EPHX3: variants seen among roughly 807,000 people sequenced by gnomAD.
EPHX3 encodes abhydrolase domain containing 9.
In EPHX3, 39 loss-of-function variants were observed where a neutral mutation model predicts 40.2. The observed-to-expected ratio is 0.97, with a 90% confidence interval of 0.75 to 1.27. The LOEUF (loss-of-function observed/expected upper bound fraction) is 1.27, where lower values mean the gene tolerates loss of function less well. EPHX3 is among the 50% of genes most tolerant of loss of function. The probability of loss-of-function intolerance (pLI) is 0.00; values close to 1 mark genes in which losing one functional copy is unlikely to be tolerated. For synonymous variants in EPHX3, 213 were observed against 209.7 expected (o/e 1.02, Z -0.14); for missense variants, 442 against 474.0 (o/e 0.93, Z 0.63).
rs916087485 is a variant in EPHX3, at chr19:15,228,116, TG to T, written c.617-17del. The T allele has an allele frequency of 2.7e-6, 1 of 370,344 alleles. No homozygotes were observed. Among genetic ancestry groups the T allele is most frequent in the African/African-American group, 2.9e-5 (1 of 34,872 alleles). 22.9% of individuals were successfully genotyped at this position (370,344 alleles called of 1,614,324 possible). On this transcript the variant is annotated splice_polypyrimidine_tract_variant and intron_variant, in intron 4 of 6. Transcript: ENST00000221730. ...AGGGAATAGTCTGGGGTGGGAGGGT[TG>T]GGGGAGAGATATAAGGCCTGCTCCT...
At position 15,231,794 on chromosome 19, in the gene EPHX3, T is replaced by TACCAGTTCTCAGG; in HGVS notation, c.310_311insCCTGAGAACTGGT (p.His104ProfsTer2). 1 of 1,613,908 alleles carries TACCAGTTCTCAGG rather than the reference T, an allele frequency of 6.2e-7. No individual in the cohort carries two copies. The highest frequency in any genetic ancestry group is 8.5e-7 in the Non-Finnish European group (1 of 1,180,008). ...GACGTACCAGTTCTCAGGGAAGCCG[T>TACCAGTTCTCAGG]GCAGAAACAGCATGAGGGGTCCGTT... On this transcript the variant is annotated stop_gained and frameshift_variant, in exon 2 of 7. Transcript: ENST00000221730. LOFTEE classifies it high-confidence loss of function.
chr19:15,227,323 G>A lies in EPHX3; in HGVS notation c.*114C>T, dbSNP rs773269339. On this transcript the variant is annotated 3_prime_UTR_variant, in exon 7 of 7. Transcript: ENST00000221730. Reference sequence around the variant, plus strand: ...ATCCAGGAGTCCCATGCCTATGAGCGATTCAAGAGTTCACCCATGTATGGA... The same window carrying A: ...ATCCAGGAGTCCCATGCCTATGAGCAATTCAAGAGTTCACCCATGTATGGA... 4.2e-4 allele frequency: 368 copies of A among 870,258 alleles called. 2 individuals are homozygous for A. The highest frequency in any genetic ancestry group is 5.9e-4 in the Non-Finnish European group (325 of 547,834). The allele number at this position is 870,258 out of a possible 1,614,324, so 53.9% of individuals were successfully genotyped here.
Position 15,227,427 on chromosome 19 carries a change from G to A in EPHX3, c.*10C>T. 3.1e-6 allele frequency: 5 copies of A among 1,611,184 alleles called. No individual in the cohort carries two copies. The highest frequency in any genetic ancestry group is 4.2e-6 in the Non-Finnish European group (5 of 1,177,498). On this transcript the variant is annotated 3_prime_UTR_variant, in exon 7 of 7. Transcript: ENST00000221730. ...GTATCCATGCCTCCTGGGCAGGCCAGCAAGGACCACTAGTCCAGCAGGTCT... is the reference window on the plus strand; with the variant it reads ...GTATCCATGCCTCCTGGGCAGGCCAACAAGGACCACTAGTCCAGCAGGTCT...
chr19:15,228,283 C>T (rs1277633276), intron 4 of EPHX3, among the ~76,000 whole-genome samples, 183 bp from the exon 5 acceptor site: 1 of 152,104 alleles, frequency 6.6e-6, no homozygotes, highest in East Asian at 1.9e-4. Flanking sequence ...TCCCTCCTGC[C>T]ATGTTTCACT....
chr19:15,235,095 G>C (rs1327382260), upstream of EPHX3, among the ~76,000 whole-genome samples: 1 of 151,086 alleles, frequency 6.6e-6, no homozygotes, highest in South Asian at 2.1e-4. Context: ...TCCGCCTCCA[G>C]TGTTCAAGCA....
intron 6 of EPHX3, 50 bp downstream of exon 6, chr19:15,227,721 C>T (rs763365135): frequency 4.4e-6 from 7 of 1,609,094 alleles, no homozygotes; most frequent in Middle Eastern, 1.6e-4. Flanking sequence ...TGCCTCCCAC[C>T]CCCCTGCCCC....
At position 15,227,840 on chromosome 19, in the gene EPHX3, GC is replaced by G; in HGVS notation, c.787del (p.Ala263ProfsTer33). 6.2e-7 allele frequency: 1 copy of G among 1,614,118 alleles called. No homozygotes were observed. Among genetic ancestry groups the G allele is most frequent in the South Asian group, 1.1e-5 (1 of 91,088 alleles). Reference protein sequence around the residue: ...IPCLTPSELEAFLYNFSQPGG... With the variant: ...IPCLTPSELEXFLYNFSQPGG... ...AGGCTGTGAGAAGTTATAAAGGAAG[GC>G]CTCGAGCTCGCTGGGGGTCAAGCAT... On this transcript the variant is annotated frameshift_variant, in exon 6 of 7. Transcript: ENST00000221730. LOFTEE classifies it high-confidence loss of function.
At position 15,227,601 on chromosome 19, in the gene EPHX3, CCTT is replaced by C. The variant is rs776253755; in HGVS notation, c.916_918del (p.Lys306del). On this transcript the variant is annotated inframe_deletion, in exon 7 of 7. Coordinates refer to ENST00000221730, the MANE Select transcript of EPHX3 (RefSeq NM_024794.3). ...ACCAGCCCCAGCTCCAAGTAAGTGT[CCTT>C]CTCCCCCCACAGCAGCAATGTGGGT... The C allele has an allele frequency of 3.1e-6, 5 of 1,614,106 alleles. No individual in the cohort carries two copies. The highest frequency in any genetic ancestry group is 2.2e-5 in the East Asian group (1 of 44,872).
At chr19:15,233,794 G>C (rs2047171461), upstream of EPHX3, among the ~76,000 whole-genome samples, 1 of 152,214 alleles carries the variant, frequency 6.6e-6, no homozygotes, top group Non-Finnish European at 1.5e-5. Flanking sequence ...GCCAGGCGCG[G>C]TGGCTCACGC....
At position 15,228,113 on chromosome 19, in the gene EPHX3, G is replaced by A; in HGVS notation, c.617-13C>T. The A allele has an allele frequency of 6.9e-7, 1 of 1,440,606 alleles. No homozygotes were observed. The highest frequency in any genetic ancestry group is 2.3e-5 in the East Asian group (1 of 43,300). The allele number at this position is 1,440,606 out of a possible 1,614,324, so 89.2% of individuals were successfully genotyped here. A position where few individuals can be genotyped will look rare whatever the true frequency, so the allele number is the denominator to read the frequency against. Reference sequence around the variant, plus strand: ...TGCAGGGAATAGTCTGGGGTGGGAGGGTTGGGGGAGAGATATAAGGCCTGC... The same window carrying A: ...TGCAGGGAATAGTCTGGGGTGGGAGAGTTGGGGGAGAGATATAAGGCCTGC... On this transcript the variant is annotated splice_polypyrimidine_tract_variant and intron_variant, in intron 4 of 6. Coordinates refer to ENST00000221730, the MANE Select transcript of EPHX3 (RefSeq NM_024794.3).
At position 15,228,503 on chromosome 19, in the gene EPHX3, A is replaced by ATTTTTT. The variant is rs780716729; in HGVS notation, c.617-409_617-404dup. 1.6e-3 allele frequency among the ~76,000 whole-genome samples: 102 copies of ATTTTTT among 62,742 alleles called. 9 individuals are homozygous for ATTTTTT. The highest frequency in any genetic ancestry group is 2.1e-3 in the Non-Finnish European group (77 of 37,192). The allele number at this position is 62,742 out of a possible 152,430, so 41.2% of individuals were successfully genotyped here. On this transcript the variant is annotated intron_variant, in intron 4 of 6. Transcript: ENST00000221730. The stretch of plus-strand genomic sequence containing the variant: ...ACTTAAGGAAACCCCTGTATCTATA[A>ATTTTTT]TTTTTTTTTTTTTTTTTTTTTTTTT...
chr19:15,230,453 G>A (rs927860530), intron 4 of EPHX3, among the ~76,000 whole-genome samples: 21 of 152,192 alleles, frequency 1.4e-4, no homozygotes, highest in Non-Finnish European at 2.8e-4. Flanking sequence ...TTACAGGCAG[G>A]AGCCACCACG....
At chr19:15,231,592 C>T (rs2047154645) in intron 2 of EPHX3, among the ~76,000 whole-genome samples, 184 bp downstream of exon 2, 1 of 152,236 alleles carries the variant, frequency 6.6e-6, no homozygotes, top group African/African-American at 2.4e-5. Flanking sequence ...TTCAATCAAC[C>T]TCAATACCCC....
chr19:15,231,093 G>C lies in EPHX3; in HGVS notation c.488-3C>G. 1 of 1,613,994 alleles carries C rather than the reference G, an allele frequency of 6.2e-7. No homozygotes were observed. The highest frequency in any genetic ancestry group is 8.5e-7 in the Non-Finnish European group (1 of 1,179,958). On this transcript the variant is annotated splice_polypyrimidine_tract_variant and splice_region_variant and intron_variant, in intron 3 of 6. Transcript: ENST00000221730. ...CACAAGGATGCACTTCGAGTAACCT[G>C]TGGGAATTCAAGGAGCTCGCATAAG...
At chr19:15,229,122 G>T (rs569646626) in intron 4 of EPHX3, among the ~76,000 whole-genome samples, 7 of 152,226 alleles carry the variant, frequency 4.6e-5, no homozygotes, top group African/African-American at 1.4e-4. Flanking sequence ...GCTCACGCCT[G>T]TAATCCCAGC....
Position 15,227,149 on chromosome 19 carries a change from A to G in EPHX3, c.*288T>C, listed in dbSNP as rs1445548880. On this transcript the variant is annotated 3_prime_UTR_variant, in exon 7 of 7. Coordinates refer to ENST00000221730, the MANE Select transcript of EPHX3 (RefSeq NM_024794.3). ...AGGCCCCAGGAAGGGAGGAGGTGGGACACTCGGTCTCGGCATCTGGCTCCA... is the reference window on the plus strand; with the variant it reads ...AGGCCCCAGGAAGGGAGGAGGTGGGGCACTCGGTCTCGGCATCTGGCTCCA... The G allele has an allele frequency of 2.3e-6, 1 of 430,364 alleles. No homozygotes were observed. Among genetic ancestry groups the G allele is most frequent in the South Asian group, 2.8e-5 (1 of 36,178 alleles). 26.7% of individuals were successfully genotyped at this position (430,364 alleles called of 1,614,324 possible).
upstream of EPHX3, among the ~76,000 whole-genome samples, chr19:15,234,720 C>T (rs1393507721): frequency 6.6e-6 from 1 of 152,224 alleles, no homozygotes; most frequent in East Asian, 1.9e-4. Context: ...CACTTGTCAC[C>T]TCTTGCCCCT....
chr19:15,233,791 G>A (rs547833806), upstream of EPHX3, among the ~76,000 whole-genome samples: 5 of 152,286 alleles, frequency 3.3e-5, no homozygotes, highest in Admixed American at 3.3e-4. Context: ...CTGGCCAGGC[G>A]CGGTGGCTCA....
At chr19:15,228,685 T>G (rs959279047) in intron 4 of EPHX3, among the ~76,000 whole-genome samples, 2 of 150,936 alleles carry the variant, frequency 1.3e-5, no homozygotes, top group African/African-American at 4.9e-5. Context: ...GTCCGGCTAA[T>G]TTTTTTTGTA....
Sources: allele counts gnomAD v4.1 joint callset (sites outside exome capture counted in the v4.1 genomes callset), GRCh38; gene constraint gnomAD v4.1.1; transcripts MANE v1.5; gene names NCBI Gene and HGNC (gene_info 2026-07-23, HGNC 2026-07-21).